Variants in RP2 observed in about 807,000 individuals in gnomAD.
RP2 encodes the protein RP2 activator of ARL3 GTPase, also known as protein XRP2.
A neutral mutation model predicts 20.3 loss-of-function variants in RP2; 3 were observed. The ratio of observed to expected loss-of-function variants is 0.15; its 90% CI spans 0.07 to 0.38. RP2 has a LOEUF of 0.38. Ranked by LOEUF, RP2 falls within the 10% of genes least tolerant of loss-of-function variation. The probability of loss-of-function intolerance (pLI) is 1.00; values close to 1 mark genes in which losing one functional copy is unlikely to be tolerated. For synonymous variants in RP2, 75 were observed against 94.8 expected, an observed-to-expected ratio of 0.79 and a Z score of 1.22; for missense variants, 233 against 268.5, an observed-to-expected ratio of 0.87 and a Z score of 0.92.
At chrX:46,875,234 T>G (rs1925354472) in intron 3 of RP2, among the ~76,000 whole-genome samples, 1 of 109,784 alleles carries the variant, frequency 9.1e-6, no homozygotes, top group Non-Finnish European at 1.9e-5. Flanking sequence ...CATTGATGAT[T>G]GTTGCCTGAA....
At chrX:46,862,557 G>C (rs782473668) in intron 3 of RP2, among the ~76,000 whole-genome samples, 1 of 110,300 alleles carries the variant, frequency 9.1e-6, no homozygotes, top group South Asian at 3.9e-4. Flanking sequence ...CTACTCAGGA[G>C]GCTGAGGCAG....
chrX:46,861,080 T>C (rs782048708), intron 3 of RP2, among the ~76,000 whole-genome samples: 8 of 111,908 alleles, frequency 7.1e-5, no homozygotes, highest in Non-Finnish European at 1.5e-4. Flanking sequence ...CCTGGCCCCT[T>C]TGATGCAACC....
At chrX:46,852,616 T>G (rs1924881887) in intron 1 of RP2, among the ~76,000 whole-genome samples, 1 of 111,199 alleles carries the variant, frequency 9.0e-6, no homozygotes, top group Non-Finnish European at 1.9e-5. Context: ...AGAGTCTCAC[T>G]GTGTCCCCCA....
At chrX:46,873,817 T>C (rs1455803904) in intron 3 of RP2, among the ~76,000 whole-genome samples, 3 of 111,117 alleles carry the variant, frequency 2.7e-5, no homozygotes, top group Non-Finnish European at 5.7e-5. Flanking sequence ...CTGGCTGCTA[T>C]AGGAGTCTTC....
At position 46,837,078 on chromosome X, in the gene RP2, A is replaced by G. The variant is rs782218338; in HGVS notation, c.-23A>G. On this transcript the variant is annotated 5_prime_UTR_variant, in exon 1 of 5. Coordinates refer to ENST00000218340, the MANE Select transcript of RP2 (RefSeq NM_006915.3). ...AAGTGCCTGAGCTAGTGAGCTGGCC[A>G]ACGAGCTCCGCGGGCTGGGACCATG... 2 of 1,163,603 alleles carry G rather than the reference A, an allele frequency of 1.7e-6. No individual in the cohort carries two copies. The highest frequency in any genetic ancestry group is 2.6e-5 in the Admixed American group (1 of 38,799).
chrX:46,852,986 T>C (rs1489760094), intron 1 of RP2, among the ~76,000 whole-genome samples: 1 of 112,222 alleles, frequency 8.9e-6, no homozygotes, highest in Non-Finnish European at 1.9e-5. Flanking sequence ...ATTAGATACA[T>C]AGGATATGAG....
intron 3 of RP2, among the ~76,000 whole-genome samples, chrX:46,871,636 C>G (rs1406860837): frequency 9.0e-6 from 1 of 111,665 alleles, no homozygotes; most frequent in Non-Finnish European, 1.9e-5. Context: ...GGTGAATATT[C>G]TATGTGCATC....
intron 3 of RP2, among the ~76,000 whole-genome samples, chrX:46,876,592 A>AT (rs1167702618): frequency 9.0e-6 from 1 of 111,134 alleles, no homozygotes; most frequent in Non-Finnish European, 1.9e-5. Flanking sequence ...CCTTTTCTGT[A>AT]TTTGTTGCCT....
intron 1 of RP2, among the ~76,000 whole-genome samples, chrX:46,847,787 C>CGTGTGTGTGTATACACACACAT (rs1924770032): frequency 1.2e-5 from 1 of 82,653 alleles, no homozygotes; most frequent in East Asian, 3.9e-4. Flanking sequence ...TACATACACA[C>CGTGTGTGTGTATACACACACAT]ATGTGTGTGT....
chrX:46,850,937 A>AT (rs1395251784), intron 1 of RP2, among the ~76,000 whole-genome samples: 8 of 111,314 alleles, frequency 7.2e-5, no homozygotes, highest in African/African-American at 2.0e-4. Flanking sequence ...AGTTAAGGGG[A>AT]TTTTTTCAAG....
At chrX:46,852,237 G>A (rs1268207355) in intron 1 of RP2, among the ~76,000 whole-genome samples, 1 of 109,838 alleles carries the variant, frequency 9.1e-6, no homozygotes, top group African/African-American at 3.3e-5. Context: ...AGGGAGGGAA[G>A]GAAGGGAAGG....
At chrX:46,851,727 C>T (rs1296611461) in intron 1 of RP2, among the ~76,000 whole-genome samples, 4 of 110,896 alleles carry the variant, frequency 3.6e-5, no homozygotes, top group Admixed American at 2.9e-4. Context: ...GCCAGGAGAT[C>T]GAGACCATCC....
intron 2 of RP2, 111 bp from the exon 3 acceptor site, chrX:46,859,877 A>G: frequency 5.4e-6 from 3 of 557,722 alleles, no homozygotes; most frequent in African/African-American, 2.3e-5. Context: ...AATTAAAACA[A>G]AAATCAGTGT....
At chrX:46,864,988 T>A (rs961350005) in intron 3 of RP2, among the ~76,000 whole-genome samples, 4 of 112,245 alleles carry the variant, frequency 3.6e-5, no homozygotes. Context: ...TGGGCTTTTT[T>A]AAAATAAACT....
chrX:46,874,393 G>A (rs1925339522), intron 3 of RP2, among the ~76,000 whole-genome samples: 1 of 111,016 alleles, frequency 9.0e-6, no homozygotes, highest in Non-Finnish European at 1.9e-5. Flanking sequence ...TGCAAAACTG[G>A]AAACCCTACA....
At position 46,881,216 on chromosome X, in the gene RP2, T is replaced by C. The variant is rs1057515894; in HGVS notation, c.*1447T>C. ...AAGATTTTCACTTTAAATTAATTAG[T>C]AATATTGAGCGCTCACCCTGTGCGT... is the stretch of plus-strand genomic sequence containing the variant. On this transcript the variant is annotated 3_prime_UTR_variant, in exon 5 of 5. Coordinates refer to ENST00000218340, the MANE Select transcript of RP2 (RefSeq NM_006915.3). The C allele has an allele frequency of 1.8e-5, 2 of 111,629 alleles. No homozygotes were observed. The highest frequency in any genetic ancestry group is 5.6e-4 in the East Asian group (2 of 3,583). 9.2% of individuals were successfully genotyped at this position (111,629 alleles called of 1,213,427 possible). A position where few individuals can be genotyped will look rare whatever the true frequency, so the allele number is the denominator to read the frequency against.
At chrX:46,860,309 T>C (rs1556319933) in intron 3 of RP2, among the ~76,000 whole-genome samples, 2 of 111,323 alleles carry the variant, frequency 1.8e-5, no homozygotes, top group East Asian at 2.8e-4. Context: ...TCTTTTTTTT[T>C]CCCTATCCTC....
intron 4 of RP2, among the ~76,000 whole-genome samples, chrX:46,878,302 G>A (rs1183723595): frequency 9.4e-6 from 1 of 106,661 alleles, no homozygotes; most frequent in African/African-American, 3.4e-5. Context: ...GCGTGAACCC[G>A]GGAGGCGGAG....
intron 3 of RP2, among the ~76,000 whole-genome samples, chrX:46,866,797 G>T: frequency 9.0e-6 from 1 of 111,633 alleles, no homozygotes. Flanking sequence ...TTTAAAATTT[G>T]CATACAGTAA....
Sources: gnomAD v4.1 joint callset for allele counts (sites outside exome capture counted in the v4.1 genomes callset) on GRCh38, gnomAD v4.1.1 for gene constraint, MANE v1.5 for transcripts, NCBI Gene and HGNC (gene_info 2026-07-23, HGNC 2026-07-21) for gene names.